The following ANO9 variants were observed in gnomAD, a reference collection of about 807,000 sequenced individuals.
The protein encoded by ANO9 is anoctamin-9.
Under a neutral mutation model 100.5 loss-of-function variants are expected in ANO9, and 80 were observed. That is an observed-to-expected ratio of 0.80 (90% confidence interval 0.66 to 0.96). The LOEUF is 0.96. Ranked by LOEUF, ANO9 falls within the 40% of genes least tolerant of loss-of-function variation. The probability of loss-of-function intolerance (pLI) is 0.00; values close to 1 mark genes in which losing one functional copy is unlikely to be tolerated. For missense variants in ANO9, 1,064 were observed against 1,072.7 expected (o/e 0.99, Z 0.11); for synonymous variants, 473 against 435.6 (o/e 1.09, Z -1.07).
At chr11:428,253 G>T in intron 14 of ANO9, 54 bp from the exon 15 acceptor site, 1 of 1,605,960 alleles carries the variant, frequency 6.2e-7, no homozygotes, top group Non-Finnish European at 8.5e-7. Flanking sequence ...AGGCCCTGGG[G>T]CAGCAGGAAG....
At chr11:419,922 A>C in intron 19 of ANO9, 193 bp from the exon 20 acceptor site, 1 of 1,398,022 alleles carries the variant, frequency 7.2e-7, no homozygotes, top group South Asian at 1.6e-5. Flanking sequence ...TGCACCCCTC[A>C]CCCTGACATG....
Position 433,878 on chromosome 11 carries a change from G to T in ANO9, c.141C>A (p.Asp47Glu), listed in dbSNP as rs761932258. The change falls in exon 3 of 23, where the codon GAC (aspartate) becomes GAA (glutamate). Residue 47 changes from aspartate (D) to glutamate (E), a missense_variant. Coordinates refer to ENST00000332826, the MANE Select transcript of ANO9 (RefSeq NM_001012302.3). ...VLVAQRHTQR[D>E]PRQARQQQFL... The stretch of plus-strand genomic sequence containing the variant: ...ACTGTTGCTGCCGCGCCTGCCGGGG[G>T]TCTCTCTGGGTGTGACGTTGGGCCA... 6 of 1,563,598 alleles carry T rather than the reference G, an allele frequency of 3.8e-6. No homozygotes were observed. In the Admixed American group the frequency reaches 7.7e-5, roughly 20 times the overall value.
intron 15 of ANO9, among the ~76,000 whole-genome samples, chr11:423,885 T>TCACACACACACACACACA (rs57182615): frequency 7.0e-6 from 1 of 143,306 alleles, no homozygotes; most frequent in African/African-American, 2.6e-5. Flanking sequence ...AGTTGAATAC[T>TCACACACACACACACACA]CACACACACA....
intron 9 of ANO9, 86 bp downstream of exon 9, chr11:429,997 G>A: frequency 6.9e-7 from 1 of 1,453,660 alleles, no homozygotes; most frequent in Non-Finnish European, 9.4e-7. Flanking sequence ...GCTCTGCAGG[G>A]CTCCAGGCCT....
At chr11:436,262 T>C (rs1016220618) in intron 1 of ANO9, among the ~76,000 whole-genome samples, 6 of 152,062 alleles carry the variant, frequency 3.9e-5, no homozygotes, top group Admixed American at 1.3e-4. Flanking sequence ...AGACAGGGTT[T>C]CTCCATGTTG....
At chr11:435,692 TAGTC>T (rs1307258504) in intron 1 of ANO9, among the ~76,000 whole-genome samples, 1 of 151,892 alleles carries the variant, frequency 6.6e-6, no homozygotes, top group Admixed American at 6.6e-5. Context: ...TGGTCTAGTC[TAGTC>T]TAGTCTAGTA....
At chr11:427,093 C>T (rs73402518) in intron 15 of ANO9, among the ~76,000 whole-genome samples, 3,485 of 152,218 alleles carry the variant, frequency 0.023, 105 homozygotes, top group African/African-American at 0.067. Flanking sequence ...GGATGGGGGT[C>T]AAGAACCAGC....
intron 7 of ANO9, 36 bp from the exon 8 acceptor site, chr11:430,439 G>T (rs759072792): frequency 2.3e-5 from 35 of 1,547,628 alleles, no homozygotes; most frequent in Non-Finnish European, 2.9e-5. Context: ...GCTGTCAGGG[G>T]GCGGTGGGGG....
At chr11:419,249 G>C in intron 20 of ANO9, 1 of 1,421,728 alleles carries the variant, frequency 7.0e-7, no homozygotes, top group South Asian at 1.5e-5. Flanking sequence ...CAGTTTGGTG[G>C]CTCCTCGAGG....
chr11:423,890 C>CAT (rs1440156125), intron 15 of ANO9, among the ~76,000 whole-genome samples: 1 of 139,390 alleles, frequency 7.2e-6, no homozygotes, highest in East Asian at 2.0e-4. Context: ...AATACTCACA[C>CAT]ACACACACAC....
At chr11:441,145 G>A (rs1393838533) in intron 1 of ANO9, among the ~76,000 whole-genome samples, 1 of 152,196 alleles carries the variant, frequency 6.6e-6, no homozygotes, top group Admixed American at 6.5e-5. Context: ...GAGGCCGCCG[G>A]CGCAGCCCAC....
intron 15 of ANO9, among the ~76,000 whole-genome samples, chr11:427,068 C>T (rs922486148): frequency 5.3e-5 from 8 of 152,296 alleles, no homozygotes; most frequent in South Asian, 2.1e-4. Context: ...CCATGGTGCA[C>T]GCCTTTCCCA....
In ANO9 at chr11:418,745, C is replaced by G. The variant is rs116108490; in HGVS notation, c.2105G>C (p.Arg702Pro). ...SEQFWFLLAI[R>P]LAFVILFEHV... ...CTCAAAGAGGATGACGAAGGCCAGG[C>G]GGATGGCCAGGAGGAACCAGAACTG... Residue 702 changes from arginine (R) to proline (P), a missense_variant, in exon 22 of 23, where the codon CGC (arginine) becomes CCC (proline). Coordinates refer to ENST00000332826, the MANE Select transcript of ANO9 (RefSeq NM_001012302.3). 6.8e-6 allele frequency: 11 copies of G among 1,612,970 alleles called. No homozygotes were observed. Among genetic ancestry groups the G allele is most frequent in the Middle Eastern group, 3.3e-4 (2 of 6,062 alleles).
At chr11:419,230 C>T (rs533256091) in intron 20 of ANO9, 51 of 1,425,464 alleles carry the variant, frequency 3.6e-5, no homozygotes, top group Middle Eastern at 5.2e-4. Flanking sequence ...GCCCTGGGGA[C>T]CCAGTCTGCA....
chr11:420,450 C>T lies in ANO9; in HGVS notation c.1786+13G>A, dbSNP rs942563633. 3.1e-5 allele frequency: 50 copies of T among 1,599,510 alleles called. No homozygotes were observed. Among genetic ancestry groups the T allele is most frequent in the East Asian group, 4.5e-5 (2 of 44,766 alleles). ...GCCCAGTTCCCGCCCATCCTGCGCC[C>T]GCCCGGTCTGACCGATGTCCTTGGC... On this transcript the variant is annotated intron_variant, in intron 19 of 22. Coordinates refer to ENST00000332826, the MANE Select transcript of ANO9 (RefSeq NM_001012302.3).
rs1320915275 is a variant in ANO9 at position 441,977 on chromosome 11, T to C, written c.-51A>G. 1 of 1,594,892 alleles carries C rather than the reference T, an allele frequency of 6.3e-7. No individual in the cohort carries two copies. The highest frequency in any genetic ancestry group is 8.5e-7 in the Non-Finnish European group (1 of 1,175,804). On this transcript the variant is annotated 5_prime_UTR_variant, in exon 1 of 23. Coordinates refer to ENST00000332826, the MANE Select transcript of ANO9 (RefSeq NM_001012302.3). ...GGGGTTTGGCGGCCAGGAGAGTGGC[T>C]GCCAGCGGCGGGTGCTCCTACCTGA...
chr11:434,167 G>C, intron 1 of ANO9, 69 bp from the exon 2 acceptor site: 1 of 1,516,486 alleles, frequency 6.6e-7, no homozygotes, highest in Non-Finnish European at 8.9e-7. Flanking sequence ...TCATTGGCGG[G>C]TCCCTGCAGC....
intron 15 of ANO9, among the ~76,000 whole-genome samples, chr11:423,170 A>G (rs1016015088): frequency 2.6e-5 from 4 of 152,226 alleles, no homozygotes; most frequent in Admixed American, 2.0e-4. Flanking sequence ...TGATTCTGAC[A>G]TTCATCTGAA....
intron 15 of ANO9, among the ~76,000 whole-genome samples, chr11:425,475 A>G (rs1318376249): frequency 6.6e-6 from 1 of 152,050 alleles, no homozygotes; most frequent in African/African-American, 2.4e-5. Flanking sequence ...AAACTCCAGG[A>G]AAAACAAAGA....
Sources: allele counts gnomAD v4.1 joint callset (sites outside exome capture counted in the v4.1 genomes callset), GRCh38; gene constraint gnomAD v4.1.1; transcripts MANE v1.5; gene names NCBI Gene and HGNC (gene_info 2026-07-23, HGNC 2026-07-21).